The following FGGY variants were observed in gnomAD, a reference collection of about 807,000 sequenced individuals.
The protein encoded by FGGY is FGGY carbohydrate kinase domain-containing protein.
FGGY carries 72 observed loss-of-function variants against 71.3 expected under a neutral mutation model. That is an observed-to-expected ratio of 1.01 (90% CI 0.84 to 1.23). The LOEUF is 1.23. FGGY is among the 50% of genes most tolerant of loss of function. The pLI is 0.00. For synonymous variants in FGGY, 251 were observed against 250.3 expected, an observed-to-expected ratio of 1.00 and a Z score of -0.02; for missense variants, 668 against 682.3, an observed-to-expected ratio of 0.98 and a Z score of 0.23.
At chr1:59,529,854 G>A (rs1018292422) in intron 7 of FGGY, among the ~76,000 whole-genome samples, 2 of 152,168 alleles carry the variant, frequency 1.3e-5, no homozygotes, top group Non-Finnish European at 2.9e-5. Flanking sequence ...TAGGGAGTTT[G>A]ACAACTTTTT....
At chr1:59,365,214 C>T (rs979848597) in intron 4 of FGGY, among the ~76,000 whole-genome samples, 14 of 152,174 alleles carry the variant, frequency 9.2e-5, no homozygotes, top group African/African-American at 2.7e-4. Flanking sequence ...GTGAAAAGAA[C>T]ATTTGGATGA....
chr1:59,583,403 G>GGT lies in FGGY; in HGVS notation c.904-24400_904-24399insGT, dbSNP rs2153751921. On this transcript the variant is annotated intron_variant, in intron 8 of 15. Transcript: ENST00000303721. ...AAAATAAAGGTCTTATTTTTACATT[G>GGT]ACACTTTCAATCTAGGTAAACTTGA... is the stretch of plus-strand genomic sequence containing the variant. Among the ~76,000 whole-genome samples, 3 of 143,328 alleles carry GGT rather than the reference G, an allele frequency of 2.1e-5. 1 individual carries two copies. Among genetic ancestry groups the GGT allele is most frequent in the African/African-American group, 8.2e-5 (3 of 36,608 alleles). 94.0% of individuals were successfully genotyped at this position (143,328 alleles called of 152,430 possible).
At chr1:59,483,785 A>G (rs887643794) in intron 6 of FGGY, among the ~76,000 whole-genome samples, 1 of 152,154 alleles carries the variant, frequency 6.6e-6, no homozygotes, top group Admixed American at 6.6e-5. Flanking sequence ...CAATTTCCTC[A>G]CTGTTATTCC....
In FGGY at chr1:59,757,096, C is replaced by T. The variant is rs148804523; in HGVS notation, c.1513-835C>T. Among the ~76,000 whole-genome samples the T allele has an allele frequency of 3.0e-4, 46 of 152,212 alleles. No individual in the cohort carries two copies. In the East Asian group the frequency reaches 7.7e-3, roughly 26 times the overall value. Reference sequence around the variant, plus strand: ...TCCTTAGCAATAGGAATTCAATAGCCGTTCCTAAGACTGAGCCTATGCTGT... The same window carrying T: ...TCCTTAGCAATAGGAATTCAATAGCTGTTCCTAAGACTGAGCCTATGCTGT... On this transcript the variant is annotated intron_variant, in intron 14 of 15. Transcript: ENST00000303721.
intron 3 of FGGY, among the ~76,000 whole-genome samples, chr1:59,342,173 T>C (rs968750103): frequency 2.6e-5 from 4 of 152,156 alleles, no homozygotes; most frequent in African/African-American, 2.4e-5. Context: ...TTTTTAAAAA[T>C]TGCCAATTCA....
At chr1:59,332,235 A>C (rs1366955406) in intron 2 of FGGY, among the ~76,000 whole-genome samples, 1 of 152,202 alleles carries the variant, frequency 6.6e-6, no homozygotes, top group Non-Finnish European at 1.5e-5. Flanking sequence ...TAGACATGGA[A>C]CAGGTTACCA....
chr1:59,637,603 A>C (rs1249885691), intron 10 of FGGY, among the ~76,000 whole-genome samples: 1 of 152,156 alleles, frequency 6.6e-6, no homozygotes, highest in Non-Finnish European at 1.5e-5. Context: ...ACTCCATCTC[A>C]AAAAAAGAAA....
chr1:59,404,656 T>C lies in FGGY; in HGVS notation c.554+25819T>C, dbSNP rs565631517. Reference sequence around the variant, plus strand: ...TGGAGGGGGAGAAGTGTTGAACTAATTCAAGGGATGTTGGAGGGCTAAACC... The same window carrying C: ...TGGAGGGGGAGAAGTGTTGAACTAACTCAAGGGATGTTGGAGGGCTAAACC... On this transcript the variant is annotated intron_variant, in intron 5 of 15. Coordinates refer to ENST00000303721, the MANE Select transcript of FGGY (RefSeq NM_018291.5). Among the ~76,000 whole-genome samples, 26 of 152,228 alleles carry C rather than the reference T, an allele frequency of 1.7e-4. No homozygotes were observed. In the South Asian group the frequency reaches 5.0e-3, roughly 29 times the overall value.
intron 1 of FGGY, among the ~76,000 whole-genome samples, chr1:59,304,325 A>C (rs1034065784): frequency 2.0e-5 from 3 of 152,122 alleles, no homozygotes; most frequent in African/African-American, 7.2e-5. Flanking sequence ...TTTATTCAAG[A>C]GACTTCCTTT....
intron 14 of FGGY, among the ~76,000 whole-genome samples, chr1:59,689,942 G>C (rs574062051): frequency 6.6e-6 from 1 of 152,240 alleles, no homozygotes; most frequent in Non-Finnish European, 1.5e-5. Context: ...TAGAGTTGAC[G>C]GCAGTGAAAT....
chr1:59,472,406 C>T (rs1447409054), intron 6 of FGGY, among the ~76,000 whole-genome samples: 1 of 152,170 alleles, frequency 6.6e-6, no homozygotes, highest in Non-Finnish European at 1.5e-5. Flanking sequence ...GCCTCCCTGA[C>T]GAGCGCCGCC....
chr1:59,419,517 C>A (rs576035358), intron 5 of FGGY, among the ~76,000 whole-genome samples: 1 of 152,086 alleles, frequency 6.6e-6, no homozygotes, highest in South Asian at 2.1e-4. Context: ...CCCTGGAAAC[C>A]TAGAGAACTG....
At chr1:59,653,012 G>T (rs553028034) in intron 11 of FGGY, among the ~76,000 whole-genome samples, 1 of 152,104 alleles carries the variant, frequency 6.6e-6, no homozygotes. Context: ...ATACCCTGCC[G>T]TGTGAGGTGT....
intron 5 of FGGY, among the ~76,000 whole-genome samples, chr1:59,408,624 A>C (rs2063127565): frequency 6.6e-6 from 1 of 152,178 alleles, no homozygotes; most frequent in African/African-American, 2.4e-5. Flanking sequence ...ATAACTCTTT[A>C]AGAAATGTTT....
At chr1:59,471,797 A>G (rs1217934669) in intron 6 of FGGY, among the ~76,000 whole-genome samples, 1 of 152,204 alleles carries the variant, frequency 6.6e-6, no homozygotes, top group East Asian at 1.9e-4. Context: ...GGGCAGGTAA[A>G]TGAATCAGTA....
rs539474134 is a variant in FGGY, at chr1:59,668,962, G to A, written c.1417+1559G>A. Among the ~76,000 whole-genome samples, 5 of 140,816 alleles carry A rather than the reference G, an allele frequency of 3.6e-5. No homozygotes were observed. In the Admixed American group the frequency reaches 3.8e-4, roughly 11 times the overall value. The allele number at this position is 140,816 out of a possible 152,430, so 92.4% of individuals were successfully genotyped here. The stretch of plus-strand genomic sequence containing the variant: ...GCCGAGATTGCGCCATTGCACTCCA[G>A]CCTGGGCAACAAGAGCAAAACTCCA... On this transcript the variant is annotated intron_variant, in intron 13 of 15. Coordinates refer to ENST00000303721, the MANE Select transcript of FGGY (RefSeq NM_018291.5).
intron 8 of FGGY, among the ~76,000 whole-genome samples, chr1:59,607,224 C>T (rs1309537617): frequency 6.6e-6 from 1 of 152,190 alleles, no homozygotes; most frequent in Admixed American, 6.5e-5. Context: ...TGGGACATCA[C>T]CTGAGACAAC....
chr1:59,488,408 A>G (rs2093719452), intron 6 of FGGY, among the ~76,000 whole-genome samples: 1 of 151,470 alleles, frequency 6.6e-6, no homozygotes, highest in South Asian at 2.1e-4. Context: ...TAGAAAATAC[A>G]TAAAAGTATT....
intron 6 of FGGY, among the ~76,000 whole-genome samples, chr1:59,462,153 G>T (rs192806299): frequency 1.6e-3 from 239 of 152,046 alleles, no homozygotes; most frequent in African/African-American, 5.5e-3. Context: ...AAATAACGCC[G>T]CATATCTACA....
Sources: allele counts gnomAD v4.1 joint callset (sites outside exome capture counted in the v4.1 genomes callset), GRCh38; gene constraint gnomAD v4.1.1; transcripts MANE v1.5; gene names NCBI Gene and HGNC (gene_info 2026-07-23, HGNC 2026-07-21).